The following ITPA variants were observed in gnomAD, a reference collection of about 807,000 sequenced individuals.
ITPA encodes the protein inosine triphosphatase, also known as inosine triphosphate pyrophosphatase.
ITPA carries 29 observed loss-of-function variants against 29.6 expected under a neutral mutation model. The ratio of observed to expected loss-of-function variants is 0.98; its 90% confidence interval spans 0.73 to 1.34. The LOEUF is 1.34. Ranked by LOEUF, ITPA falls within the 40% of genes most tolerant of loss-of-function variation. The pLI is 0.00. For synonymous variants in ITPA, 103 were observed against 99.3 expected (o/e 1.04, Z -0.22); for missense variants, 241 against 251.5 (o/e 0.96, Z 0.28).
At chr20:3,225,750 T>C (rs1195553396), downstream of ITPA, among the ~76,000 whole-genome samples, 3 of 152,172 alleles carry the variant, frequency 2.0e-5, no homozygotes, top group East Asian at 5.8e-4. Flanking sequence ...AAATTTAGGC[T>C]GGGCTTGGTG....
At position 3,214,057 on chromosome 20, in the gene ITPA, A is replaced by G; in HGVS notation, c.262A>G (p.Ile88Val). ...NALGGLPGPYIKWFLEKLKPE... is the reference protein window; with the variant it reads ...NALGGLPGPYVKWFLEKLKPE... Reference sequence around the variant, plus strand: ...CCTTGGAGGGCTCCCCGGCCCCTACATGTGAGTGACTACCTCCACCCCCTT... The same window carrying G: ...CCTTGGAGGGCTCCCCGGCCCCTACGTGTGAGTGACTACCTCCACCCCCTT... Residue 88 changes from isoleucine to valine, a missense_variant and splice_region_variant, in exon 4 of 8, where the codon ATA becomes GTA. Coordinates refer to ENST00000380113, the MANE Select transcript of ITPA (RefSeq NM_033453.4). 1 of 1,614,162 alleles carries G rather than the reference A, an allele frequency of 6.2e-7. No individual in the cohort carries two copies. Among genetic ancestry groups the G allele is most frequent in the East Asian group, 2.2e-5 (1 of 44,884 alleles).
intron 1 of ITPA, among the ~76,000 whole-genome samples, chr20:3,210,304 A>G (rs1357137792): frequency 6.6e-6 from 1 of 152,198 alleles, no homozygotes; most frequent in Admixed American, 6.5e-5. Context: ...CAAGAAGCTG[A>G]CTTGTCCTTG....
chr20:3,221,382 G>T (rs2067458720), intron 6 of ITPA, among the ~76,000 whole-genome samples: 1 of 152,118 alleles, frequency 6.6e-6, no homozygotes, highest in South Asian at 2.1e-4. Context: ...CTGTTGCGGT[G>T]TTTCATCTTA....
At chr20:3,209,426 C>T (rs932528300), upstream of ITPA, 1 of 881,102 alleles carries the variant, frequency 1.1e-6, no homozygotes, top group Non-Finnish European at 1.9e-6. This position sits in a 1 kb window ranked among gnomAD's most constrained non-coding sequence, Gnocchi z 4.6. Flanking sequence ...CCTTGGGGTC[C>T]GGGTCGGCTT....
chr20:3,221,493 C>T (rs1258571052), intron 6 of ITPA, among the ~76,000 whole-genome samples: 6 of 152,002 alleles, frequency 3.9e-5, no homozygotes, highest in Non-Finnish European at 4.4e-5. Context: ...TAGGAGAAAA[C>T]GTTTTCTGTC....
chr20:3,213,226 CGTATGTCTCT>C lies in ITPA; in HGVS notation c.124+3_124+12del. The C allele has an allele frequency of 6.2e-7, 1 of 1,614,102 alleles. No individual in the cohort carries two copies. The highest frequency in any genetic ancestry group is 8.5e-7 in the Non-Finnish European group (1 of 1,180,022). ...CACTTTGGTGGCACAGAAAATTGAC[CGTATGTCTCT>C]GTTTTGTTTTATTTTTAAAAGATGG... On this transcript the variant is annotated splice_donor_variant and splice_donor_5th_base_variant and intron_variant, in intron 2 of 7. Transcript: ENST00000380113. LOFTEE classifies it high-confidence loss of function.
intron 4 of ITPA, among the ~76,000 whole-genome samples, chr20:3,214,459 C>T (rs1285052319): frequency 6.6e-6 from 1 of 151,112 alleles, no homozygotes; most frequent in Non-Finnish European, 1.5e-5. Flanking sequence ...CTCCACCTGC[C>T]AGGCTCAGGT....
At chr20:3,212,079 G>A (rs140239002) in intron 1 of ITPA, among the ~76,000 whole-genome samples, 44 of 152,108 alleles carry the variant, frequency 2.9e-4, no homozygotes, top group African/African-American at 1.1e-3. Flanking sequence ...TACATGGGAG[G>A]AGGATCTCTT....
chr20:3,213,624 C>T (rs1294012041), intron 3 of ITPA, among the ~76,000 whole-genome samples: 1 of 152,134 alleles, frequency 6.6e-6, no homozygotes, highest in Non-Finnish European at 1.5e-5. Flanking sequence ...CTCCCCTTCC[C>T]CCAAATGCTC....
intron 5 of ITPA, among the ~76,000 whole-genome samples, chr20:3,217,948 C>T (rs1004392371): frequency 1.7e-4 from 25 of 146,100 alleles, no homozygotes; most frequent in East Asian, 1.4e-3. Context: ...GATGGAGTCT[C>T]GCTCTGTCGC....
chr20:3,212,322 AT>A (rs112094744), intron 1 of ITPA, among the ~76,000 whole-genome samples: 8,072 of 146,126 alleles, frequency 0.055, 472 homozygotes, highest in African/African-American at 0.15. Flanking sequence ...AATTATCTTA[AT>A]TTTTTTTTTT....
upstream of ITPA, among the ~76,000 whole-genome samples, chr20:3,207,859 G>A (rs761813410): frequency 1.3e-4 from 19 of 151,708 alleles, no homozygotes; most frequent in African/African-American, 1.9e-4. Flanking sequence ...GCTGGGCGTC[G>A]TGGGGGGTGC....
At chr20:3,213,865 G>A in intron 3 of ITPA, 120 bp from the exon 4 acceptor site, 2 of 999,296 alleles carry the variant, frequency 2.0e-6, no homozygotes, top group Non-Finnish European at 3.2e-6. Context: ...CCATGGTGCT[G>A]TCTGCCACAG....
intron 6 of ITPA, 69 bp downstream of exon 6, chr20:3,218,701 C>T (rs990988947): frequency 5.5e-5 from 68 of 1,229,462 alleles, no homozygotes; most frequent in Middle Eastern, 1.9e-4. Context: ...AGCCGACCGC[C>T]CCGAGTCTGC....
intron 5 of ITPA, among the ~76,000 whole-genome samples, chr20:3,217,914 T>TTTTG (rs2067346279): frequency 2.1e-5 from 3 of 139,786 alleles, no homozygotes; most frequent in Non-Finnish European, 4.8e-5. Context: ...GGGTTTTTTT[T>TTTTG]TGTTTTTGTT....
chr20:3,220,534 T>G (rs933374117), intron 6 of ITPA, among the ~76,000 whole-genome samples: 4 of 152,016 alleles, frequency 2.6e-5, no homozygotes, highest in African/African-American at 9.7e-5. Flanking sequence ...CCACCTCCGT[T>G]GTATTTTTTA....
At chr20:3,212,171 T>C (rs1036074967) in intron 1 of ITPA, among the ~76,000 whole-genome samples, 1 of 150,852 alleles carries the variant, frequency 6.6e-6, no homozygotes, top group Non-Finnish European at 1.5e-5. Flanking sequence ...AGACCCTCTC[T>C]CAAAAAAAAA....
At chr20:3,214,272 C>T (rs896422382) in intron 4 of ITPA, among the ~76,000 whole-genome samples, 5 of 151,676 alleles carry the variant, frequency 3.3e-5, no homozygotes, top group Admixed American at 1.3e-4. Context: ...GGGGACCCCA[C>T]GCATTTGAGA....
upstream of ITPA, among the ~76,000 whole-genome samples, chr20:3,204,354 G>A (rs1024618318): frequency 1.3e-5 from 2 of 152,164 alleles, no homozygotes; most frequent in African/African-American, 2.4e-5. Flanking sequence ...GGGTAGCGGC[G>A]CGGCCACCGA....
Sources: allele counts gnomAD v4.1 joint callset (sites outside exome capture counted in the v4.1 genomes callset), GRCh38; gene constraint gnomAD v4.1.1; non-coding constraint Gnocchi (gnomAD v3.1); transcripts MANE v1.5; gene names NCBI Gene and HGNC (gene_info 2026-07-23, HGNC 2026-07-21).